The following RSPO4 variants were observed in gnomAD, a reference collection of about 807,000 sequenced individuals.
The protein encoded by RSPO4 is R-spondin 4.
In RSPO4, 23 loss-of-function variants were observed where a neutral mutation model predicts 24.8. That is an observed-to-expected ratio of 0.93 (90% CI 0.67 to 1.31). The LOEUF is 1.31. RSPO4 is among the 40% of genes most tolerant of loss of function. RSPO4 has a pLI of 0.00. For missense variants in RSPO4, 333 were observed against 316.5 expected, an observed-to-expected ratio of 1.05 and a Z score of -0.39; for synonymous variants, 141 against 127.4, an observed-to-expected ratio of 1.11 and a Z score of -0.72.
At chr20:992,015 G>A (rs896624446) in intron 1 of RSPO4, among the ~76,000 whole-genome samples, 5 of 143,508 alleles carry the variant, frequency 3.5e-5, no homozygotes, top group African/African-American at 1.2e-4. Flanking sequence ...TGACGGGGGT[G>A]GTGTAGGGAG....
At chr20:961,593 CT>C (rs1568901396) in intron 4 of RSPO4, among the ~76,000 whole-genome samples, 1 of 152,292 alleles carries the variant, frequency 6.6e-6, no homozygotes, top group East Asian at 1.9e-4. Context: ...CTGAGGCCAA[CT>C]CCCACTCTGA....
At position 960,470 on chromosome 20, in the gene RSPO4, C is replaced by A. The variant is rs1383191480; in HGVS notation, c.596-4G>T. 1 of 1,533,256 alleles carries A rather than the reference C, an allele frequency of 6.5e-7. No individual in the cohort carries two copies. The highest frequency in any genetic ancestry group is 2.4e-5 in the East Asian group (1 of 40,864). The allele number at this position is 1,533,256 out of a possible 1,614,324, so 95.0% of individuals were successfully genotyped here. A position where few individuals can be genotyped will look rare whatever the true frequency, so the allele number is the denominator to read the frequency against. ...TTCTTCTGGCCGGGGCTCCTCTCTG[C>A]AATGAGAGGACAGAGCCCGGTGACC... On this transcript the variant is annotated splice_region_variant and splice_polypyrimidine_tract_variant and intron_variant, in intron 4 of 4. Coordinates refer to ENST00000217260, the MANE Select transcript of RSPO4 (RefSeq NM_001029871.4).
Position 964,102 on chromosome 20 carries a change from G to C in RSPO4, c.428C>G (p.Pro143Arg). The change falls in exon 4 of 5, where the codon CCC becomes CGC. Residue 143 changes from proline (P) to arginine (R), a missense_variant. By Grantham distance (103) the Pro-to-Arg change is moderately radical (BLOSUM62 -2). Transcript: ENST00000217260. Reference sequence around the variant, plus strand: ...TGTGCAGGGGCTCCAGCCGCCCCAGGGACCCAGTTCACACTCCCCTGTGGG... The same window carrying C: ...TGTGCAGGGGCTCCAGCCGCCCCAGCGACCCAGTTCACACTCCCCTGTGGG... ...RECQGECELGPWGGWSPCTHN... is the reference protein window; with the variant it reads ...RECQGECELGRWGGWSPCTHN... The C allele has an allele frequency of 2.5e-6, 4 of 1,612,938 alleles. No individual in the cohort carries two copies. Among genetic ancestry groups the C allele is most frequent in the Non-Finnish European group, 3.4e-6 (4 of 1,179,576 alleles).
chr20:969,608 C>T (rs181621519), intron 1 of RSPO4, among the ~76,000 whole-genome samples: 21 of 152,194 alleles, frequency 1.4e-4, no homozygotes, highest in East Asian at 3.9e-4. Flanking sequence ...ACATCCTTCC[C>T]GGCACGTGTG....
At chr20:962,831 G>C (rs1011438729) in intron 4 of RSPO4, among the ~76,000 whole-genome samples, 3 of 152,182 alleles carry the variant, frequency 2.0e-5, no homozygotes, top group South Asian at 2.1e-4. Flanking sequence ...TTGAATTCTA[G>C]GTCTACAGCT....
intron 1 of RSPO4, among the ~76,000 whole-genome samples, chr20:1,000,399 A>T (rs996159801): frequency 3.9e-5 from 6 of 152,210 alleles, no homozygotes; most frequent in African/African-American, 1.4e-4. Context: ...GTGAGTAGCC[A>T]AAGACACAGT....
chr20:988,176 G>C (rs1006909314), intron 1 of RSPO4, among the ~76,000 whole-genome samples: 4 of 152,350 alleles, frequency 2.6e-5, no homozygotes, highest in African/African-American at 9.6e-5. Context: ...GAGAGTGGTG[G>C]GTGGTGAGGT....
intron 1 of RSPO4, among the ~76,000 whole-genome samples, chr20:997,388 A>T (rs568878515): frequency 2.6e-5 from 4 of 152,308 alleles, no homozygotes; most frequent in East Asian, 3.9e-4. Context: ...TGGCAAATGG[A>T]GCTCAATTGA....
In RSPO4 at chr20:958,906, G is replaced by A. The variant is rs1983882108; in HGVS notation, c.*1451C>T. 1 of 152,530 alleles carries A rather than the reference G, an allele frequency of 6.6e-6. No individual in the cohort carries two copies. Among genetic ancestry groups the A allele is most frequent in the Non-Finnish European group, 1.5e-5 (1 of 68,312 alleles). 9.4% of individuals were successfully genotyped at this position (152,530 alleles called of 1,614,324 possible). Reference sequence around the variant, plus strand: ...GGCAAATACAAATCCCGTTTCTGAGGATTCCGGGGAGCAGAGCAGGAAGGG... The same window carrying A: ...GGCAAATACAAATCCCGTTTCTGAGAATTCCGGGGAGCAGAGCAGGAAGGG... On this transcript the variant is annotated 3_prime_UTR_variant, in exon 5 of 5. Transcript: ENST00000217260.
intron 1 of RSPO4, among the ~76,000 whole-genome samples, chr20:984,634 T>C (rs188409232): frequency 6.6e-6 from 1 of 152,292 alleles, no homozygotes; most frequent in South Asian, 2.1e-4. Context: ...AAAGTGAGCA[T>C]CTTCAAGGAC....
chr20:986,666 G>A (rs1401556142), intron 1 of RSPO4, among the ~76,000 whole-genome samples: 1 of 145,660 alleles, frequency 6.9e-6, no homozygotes, highest in Non-Finnish European at 1.5e-5. Flanking sequence ...GGGGGTGGGG[G>A]GTGCATGGAA....
At chr20:975,626 A>G (rs1020597974) in intron 1 of RSPO4, among the ~76,000 whole-genome samples, 1 of 152,234 alleles carries the variant, frequency 6.6e-6, no homozygotes, top group Non-Finnish European at 1.5e-5. Flanking sequence ...GACAGTTTGC[A>G]AAGTGATAAA....
chr20:978,542 T>C (rs1984638740), intron 1 of RSPO4, among the ~76,000 whole-genome samples: 2 of 152,204 alleles, frequency 1.3e-5, no homozygotes, highest in Non-Finnish European at 2.9e-5. Flanking sequence ...AATGAATGCA[T>C]GAACGGTGGC....
intron 1 of RSPO4, among the ~76,000 whole-genome samples, chr20:992,090 C>T (rs1985123781): frequency 1.3e-5 from 2 of 152,132 alleles, no homozygotes. Flanking sequence ...TTCCAGCCCG[C>T]TGTGGGCAGA....
At chr20:974,319 A>G (rs1984497996) in intron 1 of RSPO4, among the ~76,000 whole-genome samples, 1 of 152,220 alleles carries the variant, frequency 6.6e-6, no homozygotes, top group African/African-American at 2.4e-5. Flanking sequence ...GACCCTAACC[A>G]ATGGCTGTCT....
chr20:961,419 A>T (rs1264307326), intron 4 of RSPO4, among the ~76,000 whole-genome samples: 1 of 152,214 alleles, frequency 6.6e-6, no homozygotes, highest in Non-Finnish European at 1.5e-5. Context: ...TGGCAAGGGG[A>T]GGGCAGTTTT....
intron 1 of RSPO4, among the ~76,000 whole-genome samples, chr20:983,049 A>G (rs1984790716): frequency 6.6e-6 from 1 of 152,216 alleles, no homozygotes; most frequent in Non-Finnish European, 1.5e-5. Flanking sequence ...GTGGGAGGAA[A>G]CCTTCTAAGG....
chr20:990,675 C>T (rs1426697372), intron 1 of RSPO4, among the ~76,000 whole-genome samples: 3 of 152,114 alleles, frequency 2.0e-5, no homozygotes, highest in Non-Finnish European at 4.4e-5. Flanking sequence ...CAGCCAGGGG[C>T]GAGCGGGAAG....
chr20:995,487 A>C (rs943669598), intron 1 of RSPO4, among the ~76,000 whole-genome samples: 25 of 152,178 alleles, frequency 1.6e-4, no homozygotes, highest in African/African-American at 5.3e-4. Flanking sequence ...GCCCTGGCCG[A>C]GCAGAGGTGT....
Sources: allele counts gnomAD v4.1 joint callset (sites outside exome capture counted in the v4.1 genomes callset), GRCh38; gene constraint gnomAD v4.1.1; transcripts MANE v1.5; gene names NCBI Gene and HGNC (gene_info 2026-07-23, HGNC 2026-07-21).